The following ALDH1A1 variants were observed in gnomAD, a reference collection of about 807,000 sequenced individuals.
The protein encoded by ALDH1A1 is aldehyde dehydrogenase 1 family member A1.
Under a neutral mutation model 62.1 loss-of-function variants are expected in ALDH1A1, and 19 were observed. That is an observed-to-expected ratio of 0.31 (90% CI 0.21 to 0.45). The LOEUF is 0.45. Among genes scored for constraint, ALDH1A1 ranks in the 20% least tolerant of loss-of-function variants. The pLI is 1.00. For synonymous variants in ALDH1A1, 231 were observed against 215.9 expected, an observed-to-expected ratio of 1.07 and a Z score of -0.61; for missense variants, 521 against 607.1, an observed-to-expected ratio of 0.86 and a Z score of 1.49.
chr9:72,916,819 G>A, intron 9 of ALDH1A1, 101 bp downstream of exon 9: 2 of 928,334 alleles, frequency 2.2e-6, no homozygotes, highest in Non-Finnish European at 3.0e-6. Context: ...ACCTAGGAAG[G>A]TGTGCAGATG....
At chr9:72,945,631 C>T (rs1423916969) in intron 1 of ALDH1A1, among the ~76,000 whole-genome samples, 3 of 151,660 alleles carry the variant, frequency 2.0e-5, no homozygotes, top group Non-Finnish European at 4.4e-5. Flanking sequence ...TACTAAAGGC[C>T]GCTGGGAGTC....
chr9:72,928,034 G>A (rs968618411), intron 4 of ALDH1A1, among the ~76,000 whole-genome samples: 9 of 60,730 alleles, frequency 1.5e-4, no homozygotes, highest in East Asian at 5.4e-4. Flanking sequence ...ATTTTGTCCC[G>A]GAGTAAAGTA....
chr9:72,927,110 G>A lies in ALDH1A1; in HGVS notation c.504+6C>T, dbSNP rs777868911. 1.9e-5 allele frequency: 30 copies of A among 1,596,186 alleles called. No homozygotes were observed. The highest frequency in any genetic ancestry group is 1.1e-5 in the South Asian group (1 of 89,088). On this transcript the variant is annotated splice_donor_region_variant and intron_variant, in intron 5 of 12. Coordinates refer to ENST00000297785, the MANE Select transcript of ALDH1A1 (RefSeq NM_000689.5). ...AAATTGAGAATTATATAGGAGAAAA[G>A]CTTACAGGAATGATTTGGCCACATA...
intron 9 of ALDH1A1, among the ~76,000 whole-genome samples, chr9:72,913,752 G>A (rs1830021832): frequency 6.6e-6 from 1 of 152,172 alleles, no homozygotes; most frequent in African/African-American, 2.4e-5. Flanking sequence ...CCTTGCTACC[G>A]ACAATGTGGT....
At chr9:72,930,766 C>T in intron 3 of ALDH1A1, 113 bp downstream of exon 3, 1 of 1,287,254 alleles carries the variant, frequency 7.8e-7, no homozygotes, top group Non-Finnish European at 1.1e-6. Context: ...AAAATGTTTT[C>T]ATTTTGTTTG....
intron 12 of ALDH1A1, among the ~76,000 whole-genome samples, chr9:72,901,831 A>G (rs1036686156): frequency 6.6e-6 from 1 of 152,106 alleles, no homozygotes; most frequent in Admixed American, 6.5e-5. Context: ...GTAAGGGGAT[A>G]GAAATTGATC....
chr9:72,911,889 AC>A (rs1829994710), intron 10 of ALDH1A1, 68 bp downstream of exon 10: 1 of 1,547,964 alleles, frequency 6.5e-7, no homozygotes, highest in African/African-American at 1.4e-5. Flanking sequence ...TTTTAAAGTG[AC>A]ACTTTGTATA....
chr9:72,941,838 T>C (rs745645039), intron 1 of ALDH1A1, among the ~76,000 whole-genome samples: 2 of 152,130 alleles, frequency 1.3e-5, no homozygotes, highest in Non-Finnish European at 2.9e-5. Context: ...AATTATCCTG[T>C]ATAGTTAGAA....
intron 7 of ALDH1A1, among the ~76,000 whole-genome samples, chr9:72,923,200 C>A (rs1285970034): frequency 6.6e-6 from 1 of 152,064 alleles, no homozygotes; most frequent in East Asian, 1.9e-4. Context: ...TTTGTACATG[C>A]CTTAGTACCT....
At chr9:72,939,400 G>T (rs754466815) in intron 2 of ALDH1A1, among the ~76,000 whole-genome samples, 12 of 151,994 alleles carry the variant, frequency 7.9e-5, no homozygotes, top group Non-Finnish European at 1.8e-4. Flanking sequence ...ATTTTTACAG[G>T]TGTTGAATAA....
chr9:72,944,723 G>C (rs960142729), intron 1 of ALDH1A1, among the ~76,000 whole-genome samples: 6 of 152,010 alleles, frequency 3.9e-5, no homozygotes, highest in Non-Finnish European at 8.8e-5. Flanking sequence ...GAGGAAAAGA[G>C]ATGATACTAT....
At chr9:72,908,540 AAAGAAAAG>A (rs1372344833) in intron 11 of ALDH1A1, among the ~76,000 whole-genome samples, 5 of 83,062 alleles carry the variant, frequency 6.0e-5, no homozygotes, top group African/African-American at 2.0e-4. Flanking sequence ...AGAAAGAAAG[AAAGAAAAG>A]AAAGAAGAAA....
chr9:72,926,988 CA>C, intron 5 of ALDH1A1, 127 bp downstream of exon 5: 1 of 694,718 alleles, frequency 1.4e-6, no homozygotes, highest in East Asian at 2.7e-5. Flanking sequence ...CCAAGTTCAA[CA>C]AATCTTACAT....
At chr9:72,930,774 T>C (rs1830270940) in intron 3 of ALDH1A1, 105 bp downstream of exon 3, 7 of 1,354,930 alleles carry the variant, frequency 5.2e-6, no homozygotes, top group Non-Finnish European at 7.1e-6. Flanking sequence ...TTCATTTTGT[T>C]TGTAGAGAGC....
At chr9:72,911,607 G>A (rs1030962641) in intron 10 of ALDH1A1, among the ~76,000 whole-genome samples, 11 of 151,996 alleles carry the variant, frequency 7.2e-5, no homozygotes, top group African/African-American at 2.2e-4. Context: ...GAGACCCTGC[G>A]GTATTTGTCT....
intron 5 of ALDH1A1, chr9:72,926,837 CT>C (rs1564633160): frequency 7.6e-6 from 2 of 263,800 alleles, no homozygotes; most frequent in Non-Finnish European, 1.4e-5. Context: ...CATAATACAA[CT>C]TTTAATAAAA....
At chr9:72,901,405 T>G in intron 12 of ALDH1A1, 125 bp from the exon 13 acceptor site, 1 of 586,034 alleles carries the variant, frequency 1.7e-6, no homozygotes, top group East Asian at 2.8e-5. Flanking sequence ...ATATTTCTTG[T>G]GTACAGAGCA....
At chr9:72,917,400 T>C (rs1414324032) in intron 8 of ALDH1A1, among the ~76,000 whole-genome samples, 2 of 152,046 alleles carry the variant, frequency 1.3e-5, no homozygotes, top group African/African-American at 4.8e-5. Flanking sequence ...TTGGAAATGA[T>C]TTATATAAAT....
intron 1 of ALDH1A1, among the ~76,000 whole-genome samples, chr9:72,940,799 T>A (rs1036860822): frequency 9.2e-5 from 14 of 152,216 alleles, no homozygotes; most frequent in African/African-American, 2.9e-4. Flanking sequence ...ATTCTCCTTT[T>A]CAAAAGATTA....
Sources: allele counts gnomAD v4.1 joint callset (sites outside exome capture counted in the v4.1 genomes callset), GRCh38; gene constraint gnomAD v4.1.1; transcripts MANE v1.5; gene names NCBI Gene and HGNC (gene_info 2026-07-23, HGNC 2026-07-21).